Variants in MIPEP observed in about 807,000 individuals in gnomAD.
MIPEP encodes mitochondrial intermediate peptidase.
MIPEP carries 79 observed loss-of-function variants against 90.3 expected under a neutral mutation model. That is an observed-to-expected ratio of 0.87 (90% CI 0.73 to 1.05). MIPEP has a LOEUF of 1.05. Among genes scored for constraint, MIPEP ranks in the 50% least tolerant of loss-of-function variants. MIPEP has a pLI of 0.00. For missense variants in MIPEP, 940 were observed against 905.6 expected, an observed-to-expected ratio of 1.04 and a Z score of -0.49; for synonymous variants, 334 against 315.8, an observed-to-expected ratio of 1.06 and a Z score of -0.61.
chr13:23,766,469 A>G (rs761280071), intron 16 of MIPEP, among the ~76,000 whole-genome samples: 3 of 152,226 alleles, frequency 2.0e-5, no homozygotes, highest in South Asian at 2.1e-4. Context: ...TCTGTGTACA[A>G]TATCACTGGT....
chr13:23,785,624 T>TAAAAAAA (rs67915328), intron 16 of MIPEP, among the ~76,000 whole-genome samples: 18 of 119,230 alleles, frequency 1.5e-4, no homozygotes, highest in East Asian at 2.6e-4. Context: ...TAAAGTATAA[T>TAAAAAAA]AAAAAAAAAA....
At chr13:23,819,249 CA>C (rs1262132327) in intron 14 of MIPEP, among the ~76,000 whole-genome samples, 1 of 152,172 alleles carries the variant, frequency 6.6e-6, no homozygotes, top group Non-Finnish European at 1.5e-5. Context: ...ACAATCAAAC[CA>C]AAGTTTTAGA....
At chr13:23,856,963 A>C (rs1320204767) in intron 10 of MIPEP, among the ~76,000 whole-genome samples, 2 of 151,998 alleles carry the variant, frequency 1.3e-5, no homozygotes, top group Non-Finnish European at 2.9e-5. Flanking sequence ...AATATTCTAA[A>C]TATTGAGAAT....
At chr13:23,832,352 C>T (rs1388431142) in intron 14 of MIPEP, among the ~76,000 whole-genome samples, 3 of 152,024 alleles carry the variant, frequency 2.0e-5, no homozygotes, top group Non-Finnish European at 2.9e-5. Context: ...GCCTCCATAA[C>T]TGTAAAAAAT....
intron 18 of MIPEP, among the ~76,000 whole-genome samples, chr13:23,734,663 G>C (rs1952240538): frequency 6.6e-6 from 1 of 152,190 alleles, no homozygotes; most frequent in East Asian, 1.9e-4. Context: ...ACCACACATG[G>C]ACACGTCAGT....
At chr13:23,779,987 C>T (rs1952762227) in intron 16 of MIPEP, among the ~76,000 whole-genome samples, 1 of 152,226 alleles carries the variant, frequency 6.6e-6, no homozygotes, top group Admixed American at 6.5e-5. Flanking sequence ...GAGCCCACCT[C>T]AGCTCAAGGA....
chr13:23,801,992 G>A (rs1953048618), intron 16 of MIPEP, among the ~76,000 whole-genome samples: 1 of 151,886 alleles, frequency 6.6e-6, no homozygotes, highest in Admixed American at 6.6e-5. Flanking sequence ...GAATTGAATT[G>A]CTGGGTCATA....
intron 10 of MIPEP, among the ~76,000 whole-genome samples, chr13:23,851,473 C>A (rs1031644281): frequency 6.6e-6 from 1 of 152,206 alleles, no homozygotes; most frequent in Admixed American, 6.5e-5. Flanking sequence ...AAAAGAATGA[C>A]TGACTCAGAT....
chr13:23,736,731 TC>T (rs1952268464), intron 18 of MIPEP, among the ~76,000 whole-genome samples: 1 of 152,044 alleles, frequency 6.6e-6, no homozygotes, highest in Non-Finnish European at 1.5e-5. Flanking sequence ...ACGGGGCTCA[TC>T]AGAGAGAACA....
chr13:23,851,090 C>T (rs1869782633), intron 10 of MIPEP, among the ~76,000 whole-genome samples: 1 of 152,212 alleles, frequency 6.6e-6, no homozygotes, highest in Non-Finnish European at 1.5e-5. Context: ...ATTACTGAGT[C>T]CAGCAACAGA....
intron 16 of MIPEP, among the ~76,000 whole-genome samples, chr13:23,775,109 CTGTGTGTGTGTGTG>C (rs57354012): frequency 1.7e-4 from 26 of 149,200 alleles, no homozygotes; most frequent in African/African-American, 6.2e-4. Flanking sequence ...TATCAGTTCT[CTGTGTGTGTGTGTG>C]TGTGTGTGTG....
chr13:23,820,087 T>A (rs1953287515), intron 14 of MIPEP, among the ~76,000 whole-genome samples: 1 of 152,096 alleles, frequency 6.6e-6, no homozygotes, highest in Admixed American at 6.5e-5. Flanking sequence ...GTCTCCCCAA[T>A]GAGGTTTACA....
intron 10 of MIPEP, among the ~76,000 whole-genome samples, chr13:23,852,754 C>T (rs565995060): frequency 6.6e-6 from 1 of 152,286 alleles, no homozygotes; most frequent in Admixed American, 6.5e-5. Flanking sequence ...CAGCCTCAGG[C>T]CGGTCCTTCA....
intron 16 of MIPEP, among the ~76,000 whole-genome samples, chr13:23,761,481 T>C (rs1416548354): frequency 6.6e-6 from 1 of 152,224 alleles, no homozygotes; most frequent in Non-Finnish European, 1.5e-5. Flanking sequence ...GCATCCATTC[T>C]ATCTCAGGAC....
chr13:23,830,800 A>G (rs58663560), intron 14 of MIPEP, among the ~76,000 whole-genome samples: 53,013 of 152,078 alleles, frequency 0.35, 9,810 homozygotes, highest in African/African-American at 0.47. Context: ...AGTGGCTTCC[A>G]ATTTTACAAA....
In MIPEP at chr13:23,889,363, C is replaced by A; in HGVS notation, c.-43G>T. On this transcript the variant is annotated 5_prime_UTR_variant, in exon 1 of 19. Coordinates refer to ENST00000382172, the MANE Select transcript of MIPEP (RefSeq NM_005932.4). ...CCCTTCCTCCAACGCAGATCCCTGC[C>A]CTGCTGCTTTCGCTGGGAGCGCGCG... The A allele has an allele frequency of 1.6e-6, 2 of 1,250,856 alleles. No homozygotes were observed. The highest frequency in any genetic ancestry group is 2.0e-6 in the Non-Finnish European group (2 of 996,390). 77.5% of individuals were successfully genotyped at this position (1,250,856 alleles called of 1,614,324 possible). A position where few individuals can be genotyped will look rare whatever the true frequency, so the allele number is the denominator to read the frequency against.
At chr13:23,812,520 A>AC (rs1176435386) in intron 14 of MIPEP, among the ~76,000 whole-genome samples, 1 of 151,540 alleles carries the variant, frequency 6.6e-6, no homozygotes, top group Non-Finnish European at 1.5e-5. Flanking sequence ...GACTGAACAG[A>AC]CCCCCTGTTG....
intron 16 of MIPEP, among the ~76,000 whole-genome samples, chr13:23,764,477 A>G (rs934403742): frequency 3.9e-5 from 6 of 152,242 alleles, no homozygotes; most frequent in Non-Finnish European, 8.8e-5. Context: ...CAAACACAGA[A>G]CAGGGGCTAG....
chr13:23,769,915 G>T (rs1045420317), intron 16 of MIPEP, among the ~76,000 whole-genome samples: 7 of 152,082 alleles, frequency 4.6e-5, no homozygotes, highest in Non-Finnish European at 8.8e-5. Context: ...GAGGAAGAGA[G>T]ACCTGAGCTA....
Sources: gnomAD v4.1 joint callset for allele counts (sites outside exome capture counted in the v4.1 genomes callset) on GRCh38, gnomAD v4.1.1 for gene constraint, MANE v1.5 for transcripts, NCBI Gene and HGNC (gene_info 2026-07-23, HGNC 2026-07-21) for gene names.